The following NMT2 variants were observed in gnomAD, a reference collection of about 807,000 sequenced individuals.
The protein encoded by NMT2 is N-myristoyltransferase 2, also known as glycylpeptide N-tetradecanoyltransferase 2.
In NMT2, 35 loss-of-function variants were observed where a neutral mutation model predicts 65.4. The observed-to-expected ratio is 0.54, with a 90% CI of 0.41 to 0.71. The LOEUF is 0.71. Ranked by LOEUF, NMT2 falls within the 30% of genes least tolerant of loss-of-function variation. The probability of loss-of-function intolerance (pLI) is 0.00; values close to 1 mark genes in which losing one functional copy is unlikely to be tolerated. For missense variants in NMT2, 489 were observed against 611.3 expected, an observed-to-expected ratio of 0.80 and a Z score of 2.11; for synonymous variants, 226 against 231.8, an observed-to-expected ratio of 0.98 and a Z score of 0.23.
At chr10:15,110,947 T>A (rs561378534) in intron 10 of NMT2, among the ~76,000 whole-genome samples, 117 of 152,138 alleles carry the variant, frequency 7.7e-4, no homozygotes, top group Admixed American at 2.0e-3. Context: ...TGCACCTCCA[T>A]GCCCAGCTAA....
chr10:15,138,019 T>G (rs112899751), intron 2 of NMT2, among the ~76,000 whole-genome samples: 1 of 150,590 alleles, frequency 6.6e-6, no homozygotes, highest in East Asian at 1.9e-4. Context: ...TTTTTTTTTT[T>G]TTTCATTTTG....
At chr10:15,118,487 C>T (rs575624529) in intron 9 of NMT2, among the ~76,000 whole-genome samples, 2 of 151,928 alleles carry the variant, frequency 1.3e-5, no homozygotes, top group South Asian at 2.1e-4. Flanking sequence ...TGCAGTGAGC[C>T]GAGATTGTGC....
intron 1 of NMT2, among the ~76,000 whole-genome samples, chr10:15,142,690 G>A (rs1051197657): frequency 1.3e-5 from 2 of 152,122 alleles, no homozygotes; most frequent in Non-Finnish European, 2.9e-5. Flanking sequence ...AAATAGTAAG[G>A]TTTTGCCACC....
At chr10:15,119,630 T>G (rs1448331564) in intron 8 of NMT2, 117 bp from the exon 9 acceptor site, 1 of 762,612 alleles carries the variant, frequency 1.3e-6, no homozygotes, top group Non-Finnish European at 2.2e-6. Context: ...GGGAGCTAGT[T>G]AGAGCTGCAG....
At position 15,168,157 on chromosome 10, in the gene NMT2, CG is replaced by C. The variant is rs1381233603; in HGVS notation, c.110+345del. Among the ~76,000 whole-genome samples the C allele has an allele frequency of 2.0e-5, 3 of 152,162 alleles. No individual in the cohort carries two copies. The East Asian group carries it at 5.8e-4, about 29-fold the overall frequency. ...AAGGGAAGGGCGTAGCGCCTCTCCTCGGCGCCCACCGGAGCCACCCGCGGGC... is the reference window on the plus strand; with the variant it reads ...AAGGGAAGGGCGTAGCGCCTCTCCTCGCGCCCACCGGAGCCACCCGCGGGC... On this transcript the variant is annotated intron_variant, in intron 1 of 11. Coordinates refer to ENST00000378165, the MANE Select transcript of NMT2 (RefSeq NM_004808.3).
intron 1 of NMT2, among the ~76,000 whole-genome samples, chr10:15,157,468 A>C (rs913759992): frequency 2.0e-5 from 3 of 152,140 alleles, no homozygotes; most frequent in Non-Finnish European, 4.4e-5. Flanking sequence ...GGGCCATGTC[A>C]CTTCTCACAG....
At chr10:15,125,457 T>C (rs1247726466) in intron 8 of NMT2, among the ~76,000 whole-genome samples, 1 of 152,176 alleles carries the variant, frequency 6.6e-6, no homozygotes, top group East Asian at 1.9e-4. Flanking sequence ...AGTAAACCAA[T>C]GGTATGTGCT....
intron 8 of NMT2, among the ~76,000 whole-genome samples, chr10:15,120,115 A>G (rs936350240): frequency 6.6e-6 from 1 of 152,206 alleles, no homozygotes; most frequent in Non-Finnish European, 1.5e-5. Flanking sequence ...AACTACTTAC[A>G]TAGCATTTAG....
chr10:15,145,840 G>T (rs188787264), intron 1 of NMT2, among the ~76,000 whole-genome samples: 15 of 152,172 alleles, frequency 9.9e-5, no homozygotes, highest in African/African-American at 3.4e-4. Flanking sequence ...AGGGGTCTGC[G>T]TCCCACAGGA....
intron 8 of NMT2, among the ~76,000 whole-genome samples, chr10:15,120,706 G>A (rs1479264018): frequency 6.6e-6 from 1 of 152,086 alleles, no homozygotes; most frequent in Non-Finnish European, 1.5e-5. Context: ...TTGTTCTCTT[G>A]AACAAAAATG....
intron 1 of NMT2, among the ~76,000 whole-genome samples, chr10:15,150,968 T>A (rs1832781695): frequency 6.6e-6 from 1 of 152,172 alleles, no homozygotes; most frequent in Admixed American, 6.5e-5. Flanking sequence ...TCCCTCTTCT[T>A]ACATATTGGG....
Position 15,112,887 on chromosome 10 carries a change from T to C in NMT2, c.1247A>G (p.Lys416Arg). 6.2e-7 allele frequency: 1 copy of C among 1,614,122 alleles called. No homozygotes were observed. The highest frequency in any genetic ancestry group is 8.5e-7 in the Non-Finnish European group (1 of 1,180,008). The change falls in exon 10 of 12, where the codon AAG (lysine) becomes AGG (arginine). Residue 416 changes from lysine (K) to arginine (R), a missense_variant. By Grantham distance (26) the Lys-to-Arg change is conservative. Coordinates refer to ENST00000378165, the MANE Select transcript of NMT2 (RefSeq NM_004808.3). ...GAATGAGTAGGCGGCTTTGAGGCTC[T>C]TGTGAGCAGGGTGGTGCATCACCGT... is the stretch of plus-strand genomic sequence containing the variant. ...PSTVMHHPAH[K>R]SLKAAYSFYN... is the part of the protein sequence containing the mutation.
intron 1 of NMT2, among the ~76,000 whole-genome samples, chr10:15,164,983 G>A (rs1325834233): frequency 1.3e-5 from 2 of 152,060 alleles, no homozygotes; most frequent in Non-Finnish European, 2.9e-5. Context: ...AACCAACACG[G>A]TAAAATCCTG....
chr10:15,113,981 A>G (rs146391280), intron 9 of NMT2, among the ~76,000 whole-genome samples: 2 of 152,330 alleles, frequency 1.3e-5, no homozygotes, highest in African/African-American at 4.8e-5. Context: ...AAGAGGCTGG[A>G]CCACACACAT....
At chr10:15,147,291 T>A (rs1365941322) in intron 1 of NMT2, among the ~76,000 whole-genome samples, 5 of 152,042 alleles carry the variant, frequency 3.3e-5, no homozygotes, top group Non-Finnish European at 7.4e-5. Flanking sequence ...TTACAAATAT[T>A]TCCCCCCTGA....
At chr10:15,126,451 G>A (rs1846077813) in intron 8 of NMT2, among the ~76,000 whole-genome samples, 1 of 150,832 alleles carries the variant, frequency 6.6e-6, no homozygotes, top group Non-Finnish European at 1.5e-5. Context: ...AAAAAGAAAT[G>A]GCAATGGCGA....
chr10:15,140,995 G>A, intron 2 of NMT2: 1 of 1,550,842 alleles, frequency 6.4e-7, no homozygotes, highest in Non-Finnish European at 8.7e-7. Flanking sequence ...ACCCATGGCT[G>A]CTCCCGCTGA....
chr10:15,112,660 T>A, intron 10 of NMT2, 136 bp downstream of exon 10: 1 of 811,776 alleles, frequency 1.2e-6, no homozygotes. Flanking sequence ...ATTCTTCCTT[T>A]GACTGATGAT....
chr10:15,113,110 T>G, intron 9 of NMT2, 147 bp from the exon 10 acceptor site: 2 of 767,646 alleles, frequency 2.6e-6, no homozygotes, highest in Non-Finnish European at 4.3e-6. Flanking sequence ...GGGCCCCTTA[T>G]ATTGTGCTGT....
Sources: gnomAD v4.1 joint callset for allele counts (sites outside exome capture counted in the v4.1 genomes callset) on GRCh38, gnomAD v4.1.1 for gene constraint, MANE v1.5 for transcripts, NCBI Gene and HGNC (gene_info 2026-07-23, HGNC 2026-07-21) for gene names.